STS: variants seen among roughly 807,000 people sequenced by gnomAD.
STS encodes steroid sulfatase.
Under a neutral mutation model 26.8 loss-of-function variants are expected in STS, and 7 were observed. The observed-to-expected ratio is 0.26, with a 90% CI of 0.15 to 0.49. STS has a LOEUF of 0.49. Ranked by LOEUF, STS falls within the 20% of genes least tolerant of loss-of-function variation. The pLI is 0.98. For missense variants in STS, 434 were observed against 465.6 expected (o/e 0.93, Z 0.63); for synonymous variants, 199 against 189.4 (o/e 1.05, Z -0.42).
At chrX:7,262,345 A>T (rs1474997202) in intron 6 of STS, among the ~76,000 whole-genome samples, 1 of 111,112 alleles carries the variant, frequency 9.0e-6, no homozygotes, top group South Asian at 3.9e-4. Flanking sequence ...CACAGGAGAA[A>T]AGAGTTGAAG....
rs2060807446 is a variant in STS at position 7,259,781 on chromosome X, T to TG, written c.806+10dup. 1 of 1,208,525 alleles carries TG rather than the reference T, an allele frequency of 8.3e-7. No homozygotes were observed. The highest frequency in any genetic ancestry group is 1.1e-6 in the Non-Finnish European group (1 of 894,550). On this transcript the variant is annotated intron_variant, in intron 6 of 10. Transcript: ENST00000674429. Reference sequence around the variant, plus strand: ...GCCCAGTTCATACAGCGGTGGGTATTGCCTTGTCCTCTGATGCTGCCTGTT... The same window carrying TG: ...GCCCAGTTCATACAGCGGTGGGTATTGGCCTTGTCCTCTGATGCTGCCTGTT...
At chrX:7,279,292 A>AAAAATATAT (rs1477179869) in intron 7 of STS, among the ~76,000 whole-genome samples, 4 of 62,772 alleles carry the variant, frequency 6.4e-5, no homozygotes, top group African/African-American at 2.5e-4. Context: ...AAAAAAAAAA[A>AAAAATATAT]ATATATATAT....
At chrX:7,164,637 G>C (rs1194731308) in intron 1 of STS, among the ~76,000 whole-genome samples, 1 of 110,158 alleles carries the variant, frequency 9.1e-6, no homozygotes, top group Non-Finnish European at 1.9e-5. Context: ...CCAGACCTGG[G>C]GACTCTATGG....
At chrX:7,240,529 G>GTATA (rs1190838624) in intron 2 of STS, among the ~76,000 whole-genome samples, 8 of 47,028 alleles carry the variant, frequency 1.7e-4, no homozygotes, top group African/African-American at 2.9e-4. Context: ...GTGTGTGTGT[G>GTATA]TGTGTATATA....
chrX:7,303,502 C>T (rs1385226983), intron 7 of STS, among the ~76,000 whole-genome samples: 3 of 110,840 alleles, frequency 2.7e-5, no homozygotes, highest in Admixed American at 1.9e-4. Context: ...CTCCCACCGG[C>T]GGTGAAGGAG....
At chrX:7,268,466 A>T (rs923937996) in intron 6 of STS, among the ~76,000 whole-genome samples, 3 of 111,246 alleles carry the variant, frequency 2.7e-5, no homozygotes, top group African/African-American at 6.5e-5. Context: ...GAATAAAGGG[A>T]TCTTTAGGAG....
At position 7,351,223 on chromosome X, in the gene STS, G is replaced by A. The variant is rs376515444; in HGVS notation, c.*962G>A. 1.2e-4 allele frequency: 14 copies of A among 112,020 alleles called. No homozygotes were observed. The East Asian group carries it at 2.8e-3, about 22-fold the overall frequency. The allele number at this position is 112,020 out of a possible 1,213,427, so 9.2% of individuals were successfully genotyped here. A position where few individuals can be genotyped will look rare whatever the true frequency, so the allele number is the denominator to read the frequency against. ...AGTGTAATTCAGAATCATTGGCCTA[G>A]AAAGTCTCTGATATTTGGAGGGGAA... On this transcript the variant is annotated 3_prime_UTR_variant, in exon 11 of 11. Coordinates refer to ENST00000674429, the MANE Select transcript of STS (RefSeq NM_001320752.2).
At chrX:7,264,465 T>C (rs1326806524) in intron 6 of STS, among the ~76,000 whole-genome samples, 1 of 112,399 alleles carries the variant, frequency 8.9e-6, no homozygotes, top group African/African-American at 3.2e-5. Context: ...GGTTCAGAAC[T>C]GTACATTGTA....
intron 2 of STS, among the ~76,000 whole-genome samples, chrX:7,207,205 C>T (rs762330545): frequency 3.6e-5 from 4 of 111,848 alleles, no homozygotes; most frequent in Admixed American, 9.5e-5. Flanking sequence ...AAAAAAATTA[C>T]ACTTATTCTC....
rs747407594 is a variant in STS at position 7,190,981 on chromosome X, C to G, written c.-32C>G. On this transcript the variant is annotated 5_prime_UTR_variant, in exon 2 of 11. Coordinates refer to ENST00000674429, the MANE Select transcript of STS (RefSeq NM_001320752.2). ...GTTAAGATCTTCCTGAGGACAATGG[C>G]GCAAGATCGTCTTCAGCTGTTCATA... 1.3e-6 allele frequency: 1 copy of G among 753,275 alleles called. No homozygotes were observed. The highest frequency in any genetic ancestry group is 1.6e-6 in the Non-Finnish European group (1 of 638,925). 62.1% of individuals were successfully genotyped at this position (753,275 alleles called of 1,213,427 possible). A position where few individuals can be genotyped will look rare whatever the true frequency, so the allele number is the denominator to read the frequency against.
intron 2 of STS, among the ~76,000 whole-genome samples, chrX:7,209,715 G>A (rs1417265871): frequency 7.5e-5 from 8 of 107,274 alleles, no homozygotes; most frequent in Non-Finnish European, 1.3e-4. Context: ...TAGTTACATA[G>A]GATACATGTG....
At chrX:7,157,967 A>G (rs1323102827) in intron 1 of STS, among the ~76,000 whole-genome samples, 1 of 112,370 alleles carries the variant, frequency 8.9e-6, no homozygotes, top group African/African-American at 3.2e-5. Flanking sequence ...CAGGAACCCT[A>G]TGGATCTCTG....
chrX:7,321,886 G>A (rs1401618834), intron 8 of STS, among the ~76,000 whole-genome samples: 3 of 111,689 alleles, frequency 2.7e-5, no homozygotes, highest in Non-Finnish European at 5.6e-5. Flanking sequence ...TTCCCCCAGC[G>A]ATGGGTCACC....
At chrX:7,319,943 T>TTATATGTATATTTATATATATATTTTATA (rs1376168775) in intron 8 of STS, among the ~76,000 whole-genome samples, 4 of 95,885 alleles carry the variant, frequency 4.2e-5, no homozygotes, top group Non-Finnish European at 8.1e-5. Context: ...ATATATATTT[T>TTATATGTATATTTATATATATATTTTATA]TATATGTATA....
chrX:7,335,056 C>T (rs1298202237), intron 10 of STS, among the ~76,000 whole-genome samples: 1 of 112,297 alleles, frequency 8.9e-6, no homozygotes, highest in East Asian at 2.8e-4. Context: ...TGAATAGTGC[C>T]ACAATAAACA....
intron 2 of STS, among the ~76,000 whole-genome samples, chrX:7,247,866 A>C (rs1238191176): frequency 8.9e-6 from 1 of 112,120 alleles, no homozygotes; most frequent in African/African-American, 3.2e-5. Context: ...GAGGTTGAGA[A>C]ATCCTGATTT....
At position 7,305,076 on chromosome X, in the gene STS, G is replaced by T. The variant is rs367864304; in HGVS notation, c.974G>T (p.Arg325Ile). The T allele has an allele frequency of 4.1e-6, 5 of 1,211,140 alleles. No individual in the cohort carries two copies. The highest frequency in any genetic ancestry group is 4.5e-6 in the Non-Finnish European group (4 of 895,017). ...GQILNLLDEL[R>I]LANDTLIYFT... is the part of the protein sequence containing the mutation. ...ATCTTGAACCTTCTGGATGAGCTGAGATTGGCTAATGATACCCTCATCTAC... is the reference window on the plus strand; with the variant it reads ...ATCTTGAACCTTCTGGATGAGCTGATATTGGCTAATGATACCCTCATCTAC... The change falls in exon 8 of 11, where the codon AGA (arginine) becomes ATA (isoleucine). Residue 325 changes from arginine to isoleucine, a missense_variant. Physicochemically the swap from Arg to Ile is moderately conservative, Grantham distance 97 (BLOSUM62 -3). Transcript: ENST00000674429.
chrX:7,230,699 C>T (rs979109258), intron 2 of STS, among the ~76,000 whole-genome samples: 2 of 111,082 alleles, frequency 1.8e-5, no homozygotes, highest in African/African-American at 6.5e-5. Context: ...GGAAGAGCCC[C>T]TTACAAAACC....
intron 7 of STS, among the ~76,000 whole-genome samples, chrX:7,279,290 A>T (rs867505533): frequency 1.7e-3 from 109 of 62,336 alleles, no homozygotes; most frequent in East Asian, 3.3e-3. Flanking sequence ...AAAAAAAAAA[A>T]AAATATATAT....
Sources: allele counts gnomAD v4.1 joint callset (sites outside exome capture counted in the v4.1 genomes callset), GRCh38; gene constraint gnomAD v4.1.1; transcripts MANE v1.5; gene names NCBI Gene and HGNC (gene_info 2026-07-23, HGNC 2026-07-21).